LGI1: variants seen among roughly 807,000 people sequenced by gnomAD.
LGI1 encodes the protein leucine-rich glioma-inactivated protein 1.
A neutral mutation model predicts 57.7 loss-of-function variants in LGI1; 11 were observed. The observed-to-expected ratio is 0.19, with a 90% confidence interval of 0.12 to 0.32. LGI1 has a LOEUF of 0.32. Ranked by LOEUF, LGI1 falls within the 10% of genes least tolerant of loss-of-function variation. LGI1 has a pLI of 1.00. For synonymous variants in LGI1, 222 were observed against 241.9 expected (o/e 0.92, Z 0.76); for missense variants, 422 against 661.9 (o/e 0.64, Z 3.98).
At chr10:93,763,404 A>G (rs2059644239) in intron 2 of LGI1, 1 of 152,158 alleles carries the variant, frequency 6.6e-6, no homozygotes, top group Non-Finnish European at 1.5e-5. Flanking sequence ...ACTGTGTGCC[A>G]TTTGCTAGAG....
intron 7 of LGI1, 40 bp from the exon 8 acceptor site, chr10:93,796,927 AG>A: frequency 6.7e-7 from 1 of 1,492,930 alleles, no homozygotes; most frequent in South Asian, 1.1e-5. Flanking sequence ...GCTCCAAAAG[AG>A]GATGGCCACA....
At chr10:93,795,934 A>G (rs2059975918) in intron 7 of LGI1, among the ~76,000 whole-genome samples, 1 of 152,282 alleles carries the variant, frequency 6.6e-6, no homozygotes, top group African/African-American at 2.4e-5. Context: ...AGAAAGAATT[A>G]ATGTAGAACT....
chr10:93,797,117 C>T lies in LGI1; in HGVS notation c.988C>T (p.Arg330Ter), dbSNP rs1027289865. The T allele has an allele frequency of 1.2e-6, 2 of 1,613,608 alleles. No individual in the cohort carries two copies. Among genetic ancestry groups the T allele is most frequent in the African/African-American group, 1.3e-5 (1 of 74,852 alleles). ...CCAGGATATTGAAATTCTCAAAATC[C>T]GAAAACCCAATGACATTGAAACATT... ...KIQDIEILKI[R>*]KPNDIETFKI... Residue 330 changes from arginine (R) to a stop codon, truncating the protein, a stop_gained, in exon 8 of 8, where the codon CGA becomes TGA. Coordinates refer to ENST00000371418, the MANE Select transcript of LGI1 (RefSeq NM_005097.4). LOFTEE classifies it high-confidence loss of function. This position sits in a 1 kb window ranked among gnomAD's most constrained non-coding sequence, Gnocchi z 6.5.
At chr10:93,762,188 G>A (rs529092125) in intron 2 of LGI1, among the ~76,000 whole-genome samples, 20 of 152,268 alleles carry the variant, frequency 1.3e-4, no homozygotes, top group Non-Finnish European at 2.6e-4. Context: ...AACACTGCAC[G>A]TAAGAATCCG....
Position 93,759,118 on chromosome 10 carries a change from A to G in LGI1, c.287+287A>G, listed in dbSNP as rs9420628. The G allele has an allele frequency of 0.035, 15,323 of 433,252 alleles. 513 individuals are homozygous for G. The highest frequency in any genetic ancestry group is 0.12 in the African/African-American group (5,842 of 49,808). 26.8% of individuals were successfully genotyped at this position (433,252 alleles called of 1,614,324 possible). A position where few individuals can be genotyped will look rare whatever the true frequency, so the allele number is the denominator to read the frequency against. ...GATCCCAATTCCATTCCACTATTTT[A>G]CTTTCATTTTTAACTTGGGAACTTG... On this transcript the variant is annotated intron_variant, in intron 2 of 7. Coordinates refer to ENST00000371418, the MANE Select transcript of LGI1 (RefSeq NM_005097.4).
At chr10:93,766,023 A>C (rs1351751961) in intron 2 of LGI1, among the ~76,000 whole-genome samples, 1 of 152,066 alleles carries the variant, frequency 6.6e-6, no homozygotes, top group East Asian at 1.9e-4. Context: ...CAGTTCTAAC[A>C]AACCAATACA....
chr10:93,773,875 C>T (rs541884790), intron 2 of LGI1, among the ~76,000 whole-genome samples: 2 of 152,294 alleles, frequency 1.3e-5, no homozygotes, highest in South Asian at 4.1e-4. Context: ...CGCACAACCT[C>T]TGCACAAACC....
rs2134026706 is a variant in LGI1, at chr10:93,797,400, C to T, written c.1271C>T (p.Thr424Ile). 1 of 1,614,220 alleles carries T rather than the reference C, an allele frequency of 6.2e-7. No individual in the cohort carries two copies. The highest frequency in any genetic ancestry group is 1.3e-5 in the African/African-American group (1 of 75,060). The change falls in exon 8 of 8, where the codon ACT becomes ATT. Residue 424 changes from threonine (T) to isoleucine (I), a missense_variant. Thr to Ile is a moderately conservative substitution (Grantham distance 89, BLOSUM62 -1). Transcript: ENST00000371418. This position sits in a 1 kb window ranked among gnomAD's most constrained non-coding sequence, Gnocchi z 6.5. ...GCAACACAATTATTCACTAACCAAA[C>T]TGACATTCCTAACATGGAGGATGTG... is the stretch of plus-strand genomic sequence containing the variant. ...NKATQLFTNQ[T>I]DIPNMEDVYA...
chr10:93,786,542 GT>G (rs2059893106), intron 4 of LGI1, among the ~76,000 whole-genome samples: 1 of 46,728 alleles, frequency 2.1e-5, no homozygotes, highest in African/African-American at 3.0e-5. Context: ...AAAATATTCC[GT>G]GTTACATATG....
At chr10:93,763,313 C>T (rs2059643037) in intron 2 of LGI1, 1 of 84,924 alleles carries the variant, frequency 1.2e-5, no homozygotes, top group African/African-American at 3.1e-5. Context: ...CACACACACA[C>T]GTGCCCAAAC....
intron 4 of LGI1, among the ~76,000 whole-genome samples, chr10:93,782,472 A>G (rs920280983): frequency 6.6e-6 from 1 of 152,086 alleles, no homozygotes; most frequent in Non-Finnish European, 1.5e-5. Context: ...CCACTGTATA[A>G]CTAAAACTCA....
At chr10:93,767,647 G>A (rs1287273141) in intron 2 of LGI1, 5 of 152,102 alleles carry the variant, frequency 3.3e-5, no homozygotes, top group Admixed American at 1.3e-4. Context: ...TACATTAAAC[G>A]GTCTGTCTCC....
chr10:93,764,970 A>G (rs1190056579), intron 2 of LGI1: 1 of 152,246 alleles, frequency 6.6e-6, no homozygotes, highest in Non-Finnish European at 1.5e-5. Flanking sequence ...TACAGGAAAC[A>G]TGAACTATTT....
chr10:93,792,289 G>T, intron 5 of LGI1: 1 of 171,220 alleles, frequency 5.8e-6, no homozygotes, highest in Non-Finnish European at 1.3e-5. Flanking sequence ...CAAAGACTTA[G>T]TATAAAAAAG....
intron 7 of LGI1, among the ~76,000 whole-genome samples, chr10:93,795,511 C>G (rs756845242): frequency 6.6e-6 from 1 of 152,214 alleles, no homozygotes; most frequent in Non-Finnish European, 1.5e-5. Context: ...AGACACCCCA[C>G]TTCTTAATAC....
chr10:93,767,447 A>G (rs1280867614), intron 2 of LGI1: 3 of 152,122 alleles, frequency 2.0e-5, no homozygotes, highest in Non-Finnish European at 4.4e-5. Context: ...ACATCTCTGA[A>G]ATTATTCAAA....
intron 2 of LGI1, among the ~76,000 whole-genome samples, chr10:93,772,366 C>T (rs559433338): frequency 5.9e-5 from 9 of 152,060 alleles, no homozygotes; most frequent in African/African-American, 2.2e-4. Flanking sequence ...TTTTAGAAAT[C>T]TATCCTAAGT....
chr10:93,775,121 A>G (rs1428731671), intron 2 of LGI1, among the ~76,000 whole-genome samples: 1 of 152,182 alleles, frequency 6.6e-6, no homozygotes, highest in Non-Finnish European at 1.5e-5. Flanking sequence ...CACGTTATAA[A>G]TGTACATCTC....
chr10:93,795,228 T>C (rs2059970217), intron 7 of LGI1, among the ~76,000 whole-genome samples: 1 of 152,172 alleles, frequency 6.6e-6, no homozygotes, highest in Admixed American at 6.5e-5. Flanking sequence ...TCTTAGTCCC[T>C]TCCTGCTGCT....
Sources: allele counts gnomAD v4.1 joint callset (sites outside exome capture counted in the v4.1 genomes callset), GRCh38; gene constraint gnomAD v4.1.1; non-coding constraint Gnocchi (gnomAD v3.1); transcripts MANE v1.5; gene names NCBI Gene and HGNC (gene_info 2026-07-23, HGNC 2026-07-21).